The following POLA1 variants were observed in gnomAD, a reference collection of about 807,000 sequenced individuals.
The protein encoded by POLA1 is DNA polymerase alpha 1, catalytic subunit, also known as DNA polymerase alpha catalytic subunit.
A neutral mutation model predicts 124.0 loss-of-function variants in POLA1; 15 were observed. That is an observed-to-expected ratio of 0.12 (90% CI 0.08 to 0.19). The LOEUF (loss-of-function observed/expected upper bound fraction) is 0.19. Among genes scored for constraint, POLA1 ranks in the 10% least tolerant of loss-of-function variants. The probability of loss-of-function intolerance (pLI) is 1.00; values close to 1 mark genes in which losing one functional copy is unlikely to be tolerated. For missense variants in POLA1, 886 were observed against 1,103.4 expected (o/e 0.80, Z 2.79); for synonymous variants, 408 against 389.4 (o/e 1.05, Z -0.56).
intron 16 of POLA1, among the ~76,000 whole-genome samples, chrX:24,733,157 T>C (rs769120972): frequency 4.5e-4 from 50 of 112,281 alleles, no homozygotes; most frequent in African/African-American, 1.4e-3. Context: ...GTTAGGAAAG[T>C]AGGACTAAAA....
intron 35 of POLA1, among the ~76,000 whole-genome samples, chrX:24,921,345 C>A (rs2047613356): frequency 1.8e-5 from 2 of 111,831 alleles, no homozygotes; most frequent in African/African-American, 3.2e-5. Flanking sequence ...ACAAATAATT[C>A]TATTAGAAAA....
At chrX:24,770,181 G>T (rs2045000473) in intron 26 of POLA1, among the ~76,000 whole-genome samples, 1 of 111,556 alleles carries the variant, frequency 9.0e-6, no homozygotes, top group African/African-American at 3.3e-5. Flanking sequence ...CAGTCGTCTG[G>T]CCTACTATGT....
intron 26 of POLA1, among the ~76,000 whole-genome samples, chrX:24,809,331 G>A (rs894534023): frequency 4.5e-5 from 5 of 111,112 alleles, no homozygotes; most frequent in African/African-American, 1.6e-4. Context: ...TAGCTATATG[G>A]GCCTGGGGAC....
chrX:24,859,308 C>G (rs1426708416), intron 34 of POLA1, among the ~76,000 whole-genome samples: 1 of 111,702 alleles, frequency 9.0e-6, no homozygotes, highest in Non-Finnish European at 1.9e-5. Flanking sequence ...GGCCCCAAGC[C>G]AGCCTTTCCA....
intron 35 of POLA1, among the ~76,000 whole-genome samples, chrX:24,889,181 T>G (rs941688479): frequency 1.8e-5 from 2 of 111,307 alleles, no homozygotes; most frequent in East Asian, 5.7e-4. Flanking sequence ...CTCAAGCCAT[T>G]TTTCTACCTT....
At chrX:24,788,350 T>C in intron 26 of POLA1, 1 of 1,010,726 alleles carries the variant, frequency 9.9e-7, no homozygotes, top group East Asian at 3.2e-5. Flanking sequence ...TTTTTTTTAA[T>C]CTTTCAAGCT....
intron 36 of POLA1, among the ~76,000 whole-genome samples, chrX:24,950,561 A>G (rs1171675160): frequency 8.9e-6 from 1 of 112,089 alleles, no homozygotes; most frequent in East Asian, 2.8e-4. Context: ...AGTGGCAAAC[A>G]TCTGTTCCAC....
intron 26 of POLA1, among the ~76,000 whole-genome samples, chrX:24,806,287 A>G (rs1156509760): frequency 2.8e-5 from 3 of 108,118 alleles, no homozygotes; most frequent in African/African-American, 1.0e-4. Flanking sequence ...AACAGCTCCC[A>G]TGTACCAGGC....
chrX:24,888,411 T>G (rs985558800), intron 35 of POLA1, among the ~76,000 whole-genome samples: 1 of 110,666 alleles, frequency 9.0e-6, no homozygotes, highest in South Asian at 3.9e-4. Flanking sequence ...GGCCATTCCA[T>G]TCTAGAAACT....
At chrX:24,905,338 A>G (rs866967288) in intron 35 of POLA1, among the ~76,000 whole-genome samples, 2 of 103,431 alleles carry the variant, frequency 1.9e-5, no homozygotes, top group African/African-American at 7.1e-5. Flanking sequence ...ATACTATTCA[A>G]AATATCCAGG....
intron 36 of POLA1, among the ~76,000 whole-genome samples, chrX:24,962,291 A>G (rs1452500258): frequency 9.0e-6 from 1 of 111,649 alleles, no homozygotes; most frequent in Non-Finnish European, 1.9e-5. Flanking sequence ...GTTTGACTGT[A>G]TACTAATTAC....
intron 34 of POLA1, among the ~76,000 whole-genome samples, chrX:24,866,510 G>C (rs1255167931): frequency 8.9e-6 from 1 of 111,840 alleles, no homozygotes; most frequent in Non-Finnish European, 1.9e-5. Context: ...CTTCACTTCT[G>C]TTTAGAATTT....
chrX:24,698,364 T>TAATA (rs745885751), intron 1 of POLA1, among the ~76,000 whole-genome samples: 20 of 112,167 alleles, frequency 1.8e-4, no homozygotes, highest in Admixed American at 2.8e-4. Flanking sequence ...ACAAACCATT[T>TAATA]AAGTCCCTGT....
chrX:24,935,580 C>A (rs2047838273), intron 36 of POLA1, among the ~76,000 whole-genome samples: 1 of 113,097 alleles, frequency 8.8e-6, no homozygotes, highest in African/African-American at 3.2e-5. Context: ...TCTTGCTCCT[C>A]TCAACCAGGT....
At chrX:24,872,956 G>A (rs2046885013) in intron 34 of POLA1, among the ~76,000 whole-genome samples, 1 of 111,129 alleles carries the variant, frequency 9.0e-6, no homozygotes, top group African/African-American at 3.3e-5. Context: ...TATACTCCCT[G>A]CCCCACACAC....
chrX:24,904,548 A>G (rs1419058657), intron 35 of POLA1, among the ~76,000 whole-genome samples: 2 of 110,868 alleles, frequency 1.8e-5, no homozygotes, highest in Non-Finnish European at 3.8e-5. Flanking sequence ...TCTTCCCTGA[A>G]TCCTCTTTCT....
Position 24,850,270 on chromosome X carries a change from A to C in POLA1, c.4047+6593A>C, listed in dbSNP as rs111928789. On this transcript the variant is annotated intron_variant, in intron 34 of 36. Coordinates refer to ENST00000379068, the MANE Select transcript of POLA1 (RefSeq NM_001330360.2). Reference sequence around the variant, plus strand: ...AAGGGACTGGTGGTGATTGGAATAGAATCTCATTGTAAGTAATTTATCCTT... The same window carrying C: ...AAGGGACTGGTGGTGATTGGAATAGCATCTCATTGTAAGTAATTTATCCTT... Among the ~76,000 whole-genome samples, 858 of 112,568 alleles carry C rather than the reference A, an allele frequency of 7.6e-3. 5 individuals are homozygous for C. The highest frequency in any genetic ancestry group is 0.025 in the African/African-American group (785 of 30,990).
intron 36 of POLA1, among the ~76,000 whole-genome samples, chrX:24,949,663 A>G (rs1456477421): frequency 5.5e-5 from 6 of 109,311 alleles, no homozygotes; most frequent in Non-Finnish European, 1.1e-4. Flanking sequence ...AAATCATATA[A>G]AAATATAACT....
At chrX:24,731,118 A>G (rs894662860) in intron 15 of POLA1, among the ~76,000 whole-genome samples, 3 of 112,092 alleles carry the variant, frequency 2.7e-5, no homozygotes, top group African/African-American at 9.7e-5. Flanking sequence ...AGAAGTAATC[A>G]GCGCCTCTAA....
Sources: allele counts gnomAD v4.1 joint callset (sites outside exome capture counted in the v4.1 genomes callset), GRCh38; gene constraint gnomAD v4.1.1; transcripts MANE v1.5; gene names NCBI Gene and HGNC (gene_info 2026-07-23, HGNC 2026-07-21).